Variants in FOXO3 observed in about 807,000 individuals in gnomAD.
FOXO3 encodes the protein forkhead box protein O3.
In FOXO3, 4 loss-of-function variants were observed where a neutral mutation model predicts 41.9. That is an observed-to-expected ratio of 0.10 (90% CI 0.05 to 0.22). The LOEUF (loss-of-function observed/expected upper bound fraction) is 0.22. Ranked by LOEUF, FOXO3 falls within the 10% of genes least tolerant of loss-of-function variation. FOXO3 has a pLI of 1.00. For synonymous variants in FOXO3, 318 were observed against 389.3 expected (o/e 0.82, Z 2.16); for missense variants, 534 against 906.8 (o/e 0.59, Z 5.28).
intron 2 of FOXO3, 93 bp downstream of exon 2, chr6:108,664,982 T>G: frequency 7.7e-7 from 1 of 1,298,468 alleles, no homozygotes; most frequent in Non-Finnish European, 1.0e-6. Flanking sequence ...TGAACTTTAT[T>G]CCACACTGAA....
At chr6:108,591,486 C>A (rs1209889122) in intron 1 of FOXO3, among the ~76,000 whole-genome samples, 1 of 152,098 alleles carries the variant, frequency 6.6e-6, no homozygotes, top group Non-Finnish European at 1.5e-5. Flanking sequence ...GCATGAAATC[C>A]AAAATTCTAA....
intron 1 of FOXO3, among the ~76,000 whole-genome samples, chr6:108,658,975 C>T (rs945780089): frequency 6.6e-6 from 1 of 152,090 alleles, no homozygotes; most frequent in African/African-American, 2.4e-5. Flanking sequence ...GCCTCAGCCT[C>T]CCAGGCACAA....
At chr6:108,679,783 G>C (rs1770772847) in intron 2 of FOXO3, 44 bp from the exon 3 acceptor site, 1 of 154,476 alleles carries the variant, frequency 6.5e-6, no homozygotes, top group African/African-American at 2.4e-5. Context: ...TATTGCTGTT[G>C]CAGTGCCCTT....
rs150168336 is a variant in FOXO3, at chr6:108,671,777, G to A, written c.*34+6888G>A. Among the ~76,000 whole-genome samples, 1,173 of 152,328 alleles carry A rather than the reference G, an allele frequency of 7.7e-3. 8 individuals carry two copies. Among genetic ancestry groups the A allele is most frequent in the African/African-American group, 0.014 (568 of 41,564 alleles). ...GGTTTTTCATTAAAAAGGGATCACA[G>A]TTACCTGTTGGTGTGAGAACTTTTA... On this transcript the variant is annotated intron_variant, in intron 2 of 2. Coordinates refer to ENST00000406360, the MANE Select transcript of FOXO3 (RefSeq NM_001455.4).
chr6:108,605,641 G>T (rs964760491), intron 1 of FOXO3, among the ~76,000 whole-genome samples: 2 of 152,208 alleles, frequency 1.3e-5, no homozygotes, highest in African/African-American at 4.8e-5. Context: ...TCTGATTTCA[G>T]AAATGGTTCA....
chr6:108,579,519 T>C (rs976347550), intron 1 of FOXO3, among the ~76,000 whole-genome samples: 1 of 152,122 alleles, frequency 6.6e-6, no homozygotes, highest in South Asian at 2.1e-4. Flanking sequence ...CTTGTACACA[T>C]TGGAAGTCAG....
chr6:108,638,667 G>C (rs1270891961), intron 1 of FOXO3, among the ~76,000 whole-genome samples: 1 of 152,156 alleles, frequency 6.6e-6, no homozygotes, highest in Admixed American at 6.5e-5. Context: ...AAGGCACCTG[G>C]AGGACAACAG....
intron 1 of FOXO3, among the ~76,000 whole-genome samples, chr6:108,563,723 AAATAATTT>A (rs1483897713): frequency 6.6e-6 from 1 of 152,256 alleles, no homozygotes; most frequent in Non-Finnish European, 1.5e-5. Flanking sequence ...AAGGTTACAA[AAATAATTT>A]AATTTCACAA....
chr6:108,651,331 A>C (rs558194737), intron 1 of FOXO3, among the ~76,000 whole-genome samples: 1 of 152,360 alleles, frequency 6.6e-6, no homozygotes, highest in African/African-American at 2.4e-5. Context: ...TTCCAAATGC[A>C]TGCACACTTG....
chr6:108,602,024 T>A (rs1777068185), intron 1 of FOXO3, among the ~76,000 whole-genome samples: 1 of 152,264 alleles, frequency 6.6e-6, no homozygotes, highest in Non-Finnish European at 1.5e-5. Context: ...GACTTCATTT[T>A]AATGATGGCA....
intron 1 of FOXO3, among the ~76,000 whole-genome samples, chr6:108,636,197 C>T (rs1440376037): frequency 1.3e-5 from 2 of 152,164 alleles, no homozygotes; most frequent in Non-Finnish European, 2.9e-5. Context: ...TCCTTGTGCC[C>T]AGGTCCCAGT....
chr6:108,681,703 A>G lies in FOXO3; in HGVS notation c.*1911A>G, dbSNP rs1770860619. Reference sequence around the variant, plus strand: ...TTGTGGTTATAGTAGACTGTAGCACATTGCCTTTTCTAAACTGCTACATGT... The same window carrying G: ...TTGTGGTTATAGTAGACTGTAGCACGTTGCCTTTTCTAAACTGCTACATGT... On this transcript the variant is annotated 3_prime_UTR_variant, in exon 3 of 3. Coordinates refer to ENST00000406360, the MANE Select transcript of FOXO3 (RefSeq NM_001455.4). The G allele has an allele frequency of 6.6e-6, 1 of 152,182 alleles. No homozygotes were observed. Among genetic ancestry groups the G allele is most frequent in the Non-Finnish European group, 1.5e-5 (1 of 68,012 alleles). 9.4% of individuals were successfully genotyped at this position (152,182 alleles called of 1,614,324 possible).
chr6:108,677,703 G>GA (rs1002925414), intron 2 of FOXO3, among the ~76,000 whole-genome samples: 4 of 152,050 alleles, frequency 2.6e-5, no homozygotes, highest in Non-Finnish European at 5.9e-5. Flanking sequence ...ATTGTGAGGG[G>GA]AAAAAACCAA....
intron 1 of FOXO3, among the ~76,000 whole-genome samples, chr6:108,657,580 G>A (rs988727624): frequency 1.2e-4 from 18 of 152,124 alleles, no homozygotes; most frequent in Non-Finnish European, 1.0e-4. Flanking sequence ...AATCATTCTC[G>A]TTCTGTCAAG....
At position 108,679,901 on chromosome 6, in the gene FOXO3, GT is replaced by G. The variant is rs199820243; in HGVS notation, c.*112del. 688 of 154,664 alleles carry G rather than the reference GT, an allele frequency of 4.4e-3. 4 individuals are homozygous for G. Among genetic ancestry groups the G allele is most frequent in the Non-Finnish European group, 7.2e-3 (493 of 68,218 alleles). 9.6% of individuals were successfully genotyped at this position (154,664 alleles called of 1,614,324 possible). A position where few individuals can be genotyped will look rare whatever the true frequency, so the allele number is the denominator to read the frequency against. On this transcript the variant is annotated 3_prime_UTR_variant, in exon 3 of 3. Transcript: ENST00000406360. ...CTCTCAGCAAGTGGACAGTGATACCGTTTACAGCTTAACACCTTTGTGAATC... is the reference window on the plus strand; with the variant it reads ...CTCTCAGCAAGTGGACAGTGATACCGTTACAGCTTAACACCTTTGTGAATC...
intron 1 of FOXO3, among the ~76,000 whole-genome samples, chr6:108,584,226 G>A (rs887112079): frequency 1.3e-5 from 2 of 152,210 alleles, no homozygotes; most frequent in East Asian, 3.9e-4. Context: ...TTTCTTGGGA[G>A]ATGGCACTAA....
At chr6:108,595,582 A>G (rs912626296) in intron 1 of FOXO3, among the ~76,000 whole-genome samples, 10 of 152,144 alleles carry the variant, frequency 6.6e-5, no homozygotes, top group Admixed American at 6.5e-5. Flanking sequence ...ATAGAAGTGT[A>G]TGTTTCTGGA....
chr6:108,562,162 T>C (rs1287882581), intron 1 of FOXO3, among the ~76,000 whole-genome samples: 1 of 151,494 alleles, frequency 6.6e-6, no homozygotes, highest in East Asian at 2.0e-4. Flanking sequence ...GCAGCCAACT[T>C]TGGAGTAGAG....
At chr6:108,560,738 A>G (rs1405513224), upstream of FOXO3, 3 of 228,144 alleles carry the variant, frequency 1.3e-5, no homozygotes, top group Non-Finnish European at 2.5e-5. Flanking sequence ...CGGCTGCGCC[A>G]GCTCCGGCCG....
Sources: gnomAD v4.1 joint callset for allele counts (sites outside exome capture counted in the v4.1 genomes callset) on GRCh38, gnomAD v4.1.1 for gene constraint, MANE v1.5 for transcripts, NCBI Gene and HGNC (gene_info 2026-07-23, HGNC 2026-07-21) for gene names.